Variants in GRIN2A observed in about 807,000 individuals in gnomAD.
GRIN2A encodes the protein glutamate ionotropic receptor NMDA type subunit 2A.
A neutral mutation model predicts 113.4 loss-of-function variants in GRIN2A; 22 were observed. That is an observed-to-expected ratio of 0.19 (90% CI 0.14 to 0.28). The LOEUF (loss-of-function observed/expected upper bound fraction) is 0.28, where lower values mean the gene tolerates loss of function less well. Among genes scored for constraint, GRIN2A ranks in the 10% least tolerant of loss-of-function variants. GRIN2A has a pLI of 1.00. For missense variants in GRIN2A, 1,502 were observed against 1,887.0 expected (o/e 0.80, Z 3.78); for synonymous variants, 827 against 738.4 (o/e 1.12, Z -1.94).
At chr16:10,039,523 G>T (rs1381701126) in intron 2 of GRIN2A, among the ~76,000 whole-genome samples, 1 of 152,008 alleles carries the variant, frequency 6.6e-6, no homozygotes, top group East Asian at 1.9e-4. Flanking sequence ...TCTCCCTAGG[G>T]GCAGGATGGG....
intron 2 of GRIN2A, among the ~76,000 whole-genome samples, chr16:10,076,503 G>A (rs2047875584): frequency 6.6e-6 from 1 of 152,138 alleles, no homozygotes; most frequent in Non-Finnish European, 1.5e-5. Flanking sequence ...CATGTCCGTG[G>A]CCCTCCCACG....
At chr16:9,820,118 C>T (rs146337448) in intron 10 of GRIN2A, among the ~76,000 whole-genome samples, 32 of 151,774 alleles carry the variant, frequency 2.1e-4, no homozygotes, top group African/African-American at 2.7e-4. Flanking sequence ...TTTATGGCCA[C>T]GAATGGTTTC....
intron 2 of GRIN2A, among the ~76,000 whole-genome samples, chr16:10,030,160 A>G (rs925993226): frequency 3.4e-5 from 5 of 146,110 alleles, no homozygotes; most frequent in Non-Finnish European, 7.5e-5. Context: ...GGCGTTTCAA[A>G]TCATCTTCAC....
chr16:10,017,604 C>G (rs1220215290), intron 2 of GRIN2A, among the ~76,000 whole-genome samples: 1 of 151,954 alleles, frequency 6.6e-6, no homozygotes, highest in Non-Finnish European at 1.5e-5. Flanking sequence ...GGGGGTTGTA[C>G]AAAAGAACAA....
intron 10 of GRIN2A, among the ~76,000 whole-genome samples, chr16:9,819,194 T>C (rs571234076): frequency 8.5e-5 from 13 of 152,310 alleles, no homozygotes; most frequent in African/African-American, 2.9e-4. Flanking sequence ...TACTTTTTTA[T>C]TTTTGACGTA....
At chr16:10,055,362 A>G (rs2047439450) in intron 2 of GRIN2A, among the ~76,000 whole-genome samples, 1 of 152,178 alleles carries the variant, frequency 6.6e-6, no homozygotes, top group South Asian at 2.1e-4. Context: ...CTGAATTGTC[A>G]GTACATGGTT....
intron 4 of GRIN2A, among the ~76,000 whole-genome samples, chr16:9,859,352 A>C (rs1170575442): frequency 6.6e-6 from 1 of 152,192 alleles, no homozygotes; most frequent in Non-Finnish European, 1.5e-5. Flanking sequence ...CCGTGCATAC[A>C]TAAGTGTCTG....
At chr16:10,049,807 G>C (rs577079465) in intron 2 of GRIN2A, among the ~76,000 whole-genome samples, 1 of 152,240 alleles carries the variant, frequency 6.6e-6, no homozygotes, top group East Asian at 1.9e-4. Context: ...GCTCTATAAT[G>C]GCAGAACATT....
At chr16:10,126,581 A>T (rs1318118729) in intron 2 of GRIN2A, among the ~76,000 whole-genome samples, 1 of 151,386 alleles carries the variant, frequency 6.6e-6, no homozygotes, top group East Asian at 1.9e-4. Flanking sequence ...TTTCTCTTCC[A>T]TTTTTCTTTT....
intron 10 of GRIN2A, among the ~76,000 whole-genome samples, chr16:9,817,436 G>C (rs2042206111): frequency 1.3e-5 from 2 of 152,172 alleles, no homozygotes; most frequent in Non-Finnish European, 1.5e-5. Flanking sequence ...TGGTCCATTG[G>C]CCAGGCTTGG....
intron 2 of GRIN2A, among the ~76,000 whole-genome samples, chr16:10,102,086 T>C (rs1170582419): frequency 6.6e-6 from 1 of 152,212 alleles, no homozygotes; most frequent in African/African-American, 2.4e-5. Flanking sequence ...CTCCTAGACA[T>C]TGGTGCTATT....
At chr16:10,145,174 G>T (rs2049413881) in intron 2 of GRIN2A, among the ~76,000 whole-genome samples, 1 of 152,056 alleles carries the variant, frequency 6.6e-6, no homozygotes, top group Non-Finnish European at 1.5e-5. Context: ...CCAAGGGTTG[G>T]GGGCATAGGG....
At chr16:9,857,276 T>G (rs1256500654) in intron 4 of GRIN2A, among the ~76,000 whole-genome samples, 1 of 152,030 alleles carries the variant, frequency 6.6e-6, no homozygotes, top group African/African-American at 2.4e-5. Context: ...ACTAAGGAAA[T>G]CTGAAAAAAT....
At chr16:9,887,427 CAATATAATCTTTCATGTCTTCACGT>C (rs1490746900) in intron 4 of GRIN2A, among the ~76,000 whole-genome samples, 1 of 152,174 alleles carries the variant, frequency 6.6e-6, no homozygotes, top group African/African-American at 2.4e-5. Flanking sequence ...TGGAATCACA[CAATATAATCTTTCATGTCTTCACGT>C]AATATAATCT....
chr16:10,111,735 C>T (rs903254465), intron 2 of GRIN2A: 134 of 1,529,368 alleles, frequency 8.8e-5, no homozygotes, highest in Non-Finnish European at 1.1e-4. Context: ...TCACGGACCC[C>T]GTGGTGCTGA....
At chr16:9,807,884 T>G (rs1380873417) in intron 10 of GRIN2A, among the ~76,000 whole-genome samples, 1 of 152,188 alleles carries the variant, frequency 6.6e-6, no homozygotes. Context: ...ACATAATCTG[T>G]CTCCTATGTT....
intron 2 of GRIN2A, among the ~76,000 whole-genome samples, chr16:10,039,822 A>AGAGAGAGAGAGAGAGAGAGG (rs2047117096): frequency 7.8e-6 from 1 of 128,284 alleles, no homozygotes. Context: ...AAAGAGAGAG[A>AGAGAGAGAGAGAGAGAGAGG]GAGAGAGAGA....
intron 2 of GRIN2A, among the ~76,000 whole-genome samples, chr16:10,170,695 G>A (rs2050023817): frequency 6.6e-6 from 1 of 152,008 alleles, no homozygotes; most frequent in Non-Finnish European, 1.5e-5. Context: ...GGGCAACATG[G>A]TGAGACCCCC....
Position 10,180,598 on chromosome 16 carries a change from G to A in GRIN2A, c.-18-169C>T. On this transcript the variant is annotated intron_variant, in intron 1 of 12. Transcript: ENST00000330684. The surrounding 1 kb of genome is among the most constrained non-coding windows in gnomAD (Gnocchi z 7.0). Reference sequence around the variant, plus strand: ...GTCCCCGACGCCATCCACATCCCTCGATCCATCTCTAACTCTATCCACAAC... The same window carrying A: ...GTCCCCGACGCCATCCACATCCCTCAATCCATCTCTAACTCTATCCACAAC... The A allele has an allele frequency of 2.9e-6, 2 of 685,852 alleles. No individual in the cohort carries two copies. Among genetic ancestry groups the A allele is most frequent in the Non-Finnish European group, 3.6e-6 (2 of 556,562 alleles). The allele number at this position is 685,852 out of a possible 1,614,324, so 42.5% of individuals were successfully genotyped here.
Sources: allele counts gnomAD v4.1 joint callset (sites outside exome capture counted in the v4.1 genomes callset), GRCh38; gene constraint gnomAD v4.1.1; non-coding constraint Gnocchi (gnomAD v3.1); transcripts MANE v1.5; gene names NCBI Gene and HGNC (gene_info 2026-07-23, HGNC 2026-07-21).